Variants in C5 observed in about 807,000 individuals in gnomAD.
The protein encoded by C5 is complement C5.
Under a neutral mutation model 218.8 loss-of-function variants are expected in C5, and 140 were observed. That is an observed-to-expected ratio of 0.64 (90% CI 0.56 to 0.74). The LOEUF (loss-of-function observed/expected upper bound fraction) is 0.74, where lower values mean the gene tolerates loss of function less well. C5 is among the 30% of genes least tolerant of loss of function. The pLI is 0.00. For missense variants in C5, 1,700 were observed against 1,969.6 expected (o/e 0.86, Z 2.59); for synonymous variants, 614 against 682.3 (o/e 0.90, Z 1.56).
At chr9:121,047,652 G>T (rs560480179) in intron 1 of C5, among the ~76,000 whole-genome samples, 1 of 152,282 alleles carries the variant, frequency 6.6e-6, no homozygotes, top group South Asian at 2.1e-4. Context: ...GTAAAAGCAG[G>T]AAGTTTTTAG....
chr9:121,071,164 C>T, the C5 span, among the ~76,000 whole-genome samples: 1 of 151,710 alleles, frequency 6.6e-6, no homozygotes, highest in Non-Finnish European at 1.5e-5. Flanking sequence ...CACACACATA[C>T]ACAAAAATAG....
chr9:120,956,885 AG>A (rs2046788493), intron 39 of C5: 1 of 273,266 alleles, frequency 3.7e-6, no homozygotes, highest in Non-Finnish European at 7.1e-6. Flanking sequence ...ACTTGAGGGT[AG>A]AGGGTGAGGA....
Position 120,962,757 on chromosome 9 carries a change from A to G in C5, c.4418T>C (p.Leu1473Pro). ...QLNSIPSSDF[L>P]CVRFRIFELF... ...TTCAAATATCCGGAATCGTACACAA[A>G]GGAAATCACTGGAGGGAATCTGTTT... is the stretch of plus-strand genomic sequence containing the variant. The change falls in exon 36 of 41, where the codon CTT becomes CCT. Residue 1473 changes from leucine (L) to proline (P), a missense_variant. By Grantham distance (98) the Leu-to-Pro change is moderately conservative (BLOSUM62 -3). Coordinates refer to ENST00000223642, the MANE Select transcript of C5 (RefSeq NM_001735.3). 6.2e-7 allele frequency: 1 copy of G among 1,614,068 alleles called. No homozygotes were observed. The highest frequency in any genetic ancestry group is 8.5e-7 in the Non-Finnish European group (1 of 1,179,906).
At chr9:120,958,305 AT>A (rs1318290301) in intron 38 of C5, among the ~76,000 whole-genome samples, 1 of 152,198 alleles carries the variant, frequency 6.6e-6, no homozygotes, top group African/African-American at 2.4e-5. Flanking sequence ...GAACTACTTA[AT>A]TTTGTTTCTA....
rs765243997 is a variant in C5 at position 120,997,662 on chromosome 9, G to A, written c.2675C>T (p.Ser892Phe). ...KCVRQKVEGSSSHLVTFTVLP... is the reference protein window; with the variant it reads ...KCVRQKVEGSFSHLVTFTVLP... ...CACAGTGAATGTCACCAAGTGACTG[G>A]AGGAGCCCTCTACTTTCTGGCGCAC... Residue 892 changes from serine to phenylalanine, a missense_variant, in exon 21 of 41, where the codon TCC (serine) becomes TTC (phenylalanine). Physicochemically the swap from Ser to Phe is radical, Grantham distance 155. Coordinates refer to ENST00000223642, the MANE Select transcript of C5 (RefSeq NM_001735.3). 1 of 1,614,028 alleles carries A rather than the reference G, an allele frequency of 6.2e-7. No individual in the cohort carries two copies. The highest frequency in any genetic ancestry group is 1.3e-5 in the African/African-American group (1 of 74,918).
At chr9:120,989,535 C>T (rs1239743140) in intron 24 of C5, 33 bp downstream of exon 24, 1 of 1,388,356 alleles carries the variant, frequency 7.2e-7, no homozygotes, top group East Asian at 2.4e-5. Context: ...TTAGAATCAC[C>T]CAATTTTTAT....
chr9:121,043,010 G>C lies in C5; in HGVS notation c.415C>G (p.Gln139Glu), dbSNP rs761781837. Residue 139 changes from glutamine to glutamate, a missense_variant, in exon 3 of 41, where the codon CAG becomes GAG. Transcript: ENST00000223642. The part of the protein sequence containing the change: ...HTDKPVYTPD[Q>E]SVKVRVYSLN... ...GAAATATCTTATAATCTACCTGACT[G>C]GTCTGGAGTATAAACAGGTTTGTCT... 9 of 1,610,466 alleles carry C rather than the reference G, an allele frequency of 5.6e-6. No individual in the cohort carries two copies. The highest frequency in any genetic ancestry group is 7.6e-6 in the Non-Finnish European group (9 of 1,177,064).
At chr9:120,993,785 CA>C (rs2047095952) in intron 22 of C5, among the ~76,000 whole-genome samples, 1 of 152,072 alleles carries the variant, frequency 6.6e-6, no homozygotes, top group African/African-American at 2.4e-5. Context: ...ATCTATAGCA[CA>C]ATGTTACATA....
intron 8 of C5, among the ~76,000 whole-genome samples, 155 bp downstream of exon 8, chr9:121,027,005 G>C (rs2047429664): frequency 6.6e-6 from 1 of 152,102 alleles, no homozygotes; most frequent in African/African-American, 2.4e-5. Context: ...CAAGGAAAAT[G>C]AACTTTACCC....
intron 20 of C5, among the ~76,000 whole-genome samples, chr9:121,001,275 G>C (rs1188658034): frequency 2.0e-5 from 3 of 152,114 alleles, no homozygotes; most frequent in Non-Finnish European, 4.4e-5. Context: ...AACTAAGCAA[G>C]AAGAAGCTAG....
At chr9:121,024,405 G>C (rs1013434453) in intron 9 of C5, among the ~76,000 whole-genome samples, 36 of 147,646 alleles carry the variant, frequency 2.4e-4, no homozygotes, top group African/African-American at 9.0e-4. Flanking sequence ...CAACTGGCAA[G>C]AGCCCAATAA....
intron 17 of C5, among the ~76,000 whole-genome samples, chr9:121,010,390 C>T (rs1207416747): frequency 6.6e-6 from 1 of 151,742 alleles, no homozygotes; most frequent in African/African-American, 2.4e-5. Context: ...TTACAATAGC[C>T]ACAAATAAAA....
intron 20 of C5, among the ~76,000 whole-genome samples, chr9:121,004,731 C>T (rs949439183): frequency 6.6e-6 from 1 of 151,944 alleles, no homozygotes. Flanking sequence ...GGAGATCGCA[C>T]CACTGCACTC....
At position 120,963,741 on chromosome 9, in the gene C5, A is replaced by T; in HGVS notation, c.4221-3T>A. On this transcript the variant is annotated splice_polypyrimidine_tract_variant and splice_region_variant and intron_variant, in intron 33 of 40. Transcript: ENST00000223642. ...ATTCTTCCCTGCTGGGCTTGTAGCT[A>T]AAATAAAAAAGAGGTTAGAAAATAT... 2 of 1,605,264 alleles carry T rather than the reference A, an allele frequency of 1.2e-6. No individual in the cohort carries two copies. Among genetic ancestry groups the T allele is most frequent in the South Asian group, 2.2e-5 (2 of 90,816 alleles).
Position 121,037,920 on chromosome 9 carries a change from G to A in C5, c.453C>T (p.Asp151=). The change falls in exon 4 of 41, where the codon GAC becomes GAT. Residue 151 remains aspartate (D), a synonymous_variant. Coordinates refer to ENST00000223642, the MANE Select transcript of C5 (RefSeq NM_001735.3). ...CAGTTTCTCTTTTGGCTGGCTTCAA[G>A]TCGTCATTCAACGAATAAACTCTAA... is the stretch of plus-strand genomic sequence containing the variant. ...VKVRVYSLND[D]LKPAKRETVL... is the part of the protein sequence containing the mutation. 1 of 1,536,230 alleles carries A rather than the reference G, an allele frequency of 6.5e-7. No homozygotes were observed. The highest frequency in any genetic ancestry group is 1.4e-5 in the African/African-American group (1 of 73,176).
chr9:121,045,628 G>A (rs942985837), intron 2 of C5, among the ~76,000 whole-genome samples: 1 of 152,056 alleles, frequency 6.6e-6, no homozygotes, highest in Non-Finnish European at 1.5e-5. Flanking sequence ...GTAAAAATAA[G>A]TTGCAAGTAT....
intron 39 of C5, among the ~76,000 whole-genome samples, chr9:120,954,676 C>G (rs182276322): frequency 6.6e-6 from 1 of 152,320 alleles, no homozygotes; most frequent in East Asian, 1.9e-4. Flanking sequence ...GCTATATATA[C>G]AGGGCTGATA....
the C5 span, among the ~76,000 whole-genome samples, chr9:121,064,384 C>G: frequency 6.6e-6 from 1 of 152,084 alleles, no homozygotes; most frequent in African/African-American, 2.4e-5. Flanking sequence ...TAGTTTATTT[C>G]TTTGAGTGTT....
At chr9:120,974,700 T>C in intron 30 of C5, 79 bp downstream of exon 30, 1 of 1,298,026 alleles carries the variant, frequency 7.7e-7, no homozygotes, top group Non-Finnish European at 1.1e-6. Context: ...AAGAGATAGA[T>C]TTATAAAATA....
Sources: allele counts gnomAD v4.1 joint callset (sites outside exome capture counted in the v4.1 genomes callset), GRCh38; gene constraint gnomAD v4.1.1; transcripts MANE v1.5; gene names NCBI Gene and HGNC (gene_info 2026-07-23, HGNC 2026-07-21).